The following TG variants were observed in gnomAD, a reference collection of about 807,000 sequenced individuals.
TG encodes thyroid hormones.
A neutral mutation model predicts 324.7 loss-of-function variants in TG; 270 were observed. The observed-to-expected ratio is 0.83, with a 90% CI of 0.75 to 0.92. The LOEUF (loss-of-function observed/expected upper bound fraction) is 0.92. TG is among the 40% of genes least tolerant of loss of function. The pLI is 0.00. For missense variants in TG, 3,591 were observed against 3,456.4 expected (o/e 1.04, Z -0.98); for synonymous variants, 1,401 against 1,327.0 (o/e 1.06, Z -1.21).
At chr8:133,127,163 A>G (rs1851585802) in intron 45 of TG, among the ~76,000 whole-genome samples, 1 of 152,154 alleles carries the variant, frequency 6.6e-6, no homozygotes, top group Non-Finnish European at 1.5e-5. Context: ...TCACCTCATC[A>G]TAAGGGGAAC....
intron 35 of TG, among the ~76,000 whole-genome samples, chr8:132,987,992 C>G (rs1831788274): frequency 6.6e-6 from 1 of 151,662 alleles, no homozygotes; most frequent in Admixed American, 6.6e-5. Flanking sequence ...CACACCATCC[C>G]CACTGACCAG....
At chr8:133,059,300 C>G in intron 41 of TG, 1 of 365,320 alleles carries the variant, frequency 2.7e-6, no homozygotes, top group Non-Finnish European at 5.4e-6. Context: ...CCCAAGACCC[C>G]ACAATATGAG....
chr8:132,935,785 CA>C lies in TG; in HGVS notation c.4963del (p.Thr1655ProfsTer10). 6.2e-7 allele frequency: 1 copy of C among 1,613,020 alleles called. No individual in the cohort carries two copies. The highest frequency in any genetic ancestry group is 8.5e-7 in the Non-Finnish European group (1 of 1,180,022). ...GAGATGCACTGGGGAACTCAAAGGCCACCAGCTTTGGAAGTCTTCGCTGCCA... is the reference window on the plus strand; with the variant it reads ...GAGATGCACTGGGGAACTCAAAGGCCCCAGCTTTGGAAGTCTTCGCTGCCA... ...KRDALGNSKA[T>X]SFGSLRCQVK... On this transcript the variant is annotated frameshift_variant, in exon 25 of 48. Coordinates refer to ENST00000220616, the MANE Select transcript of TG (RefSeq NM_003235.5). LOFTEE classifies it high-confidence loss of function.
At position 132,897,795 on chromosome 8, in the gene TG, G is replaced by C; in HGVS notation, c.3139+9G>C. The stretch of plus-strand genomic sequence containing the variant: ...GTGCCACGCTGGGACTGGTAAGGAG[G>C]GATAGGCACCTTCAGGTGGCCAAGT... On this transcript the variant is annotated intron_variant, in intron 12 of 47. Transcript: ENST00000220616. 6.2e-7 allele frequency: 1 copy of C among 1,614,062 alleles called. No homozygotes were observed. The highest frequency in any genetic ancestry group is 8.5e-7 in the Non-Finnish European group (1 of 1,180,020).
chr8:133,090,800 G>A (rs1186307153), intron 41 of TG, among the ~76,000 whole-genome samples: 1 of 152,180 alleles, frequency 6.6e-6, no homozygotes, highest in Non-Finnish European at 1.5e-5. Flanking sequence ...GCCATGGGCA[G>A]AGCTGGAATT....
Position 133,070,029 on chromosome 8 carries a change from A to AAAAAAAAAAC in TG, c.7240-25014_7240-25013insAAAAAAAACA, listed in dbSNP as rs376711807. 1.1e-4 allele frequency among the ~76,000 whole-genome samples: 12 copies of AAAAAAAAAAC among 109,798 alleles called. 1 individual carries two copies. Among genetic ancestry groups the AAAAAAAAAAC allele is most frequent in the East Asian group, 3.2e-4 (1 of 3,120 alleles). 72.0% of individuals were successfully genotyped at this position (109,798 alleles called of 152,430 possible). On this transcript the variant is annotated intron_variant, in intron 41 of 47. Coordinates refer to ENST00000220616, the MANE Select transcript of TG (RefSeq NM_003235.5). Reference sequence around the variant, plus strand: ...AAAAAAAAAAAAAAAAAAAAAAAGAAAGAAAGAAAGAAAAGAAAAGAAGAA... The same window carrying AAAAAAAAAAC: ...AAAAAAAAAAAAAAAAAAAAAAAGAAAAAAAAAAACAGAAAGAAAGAAAAGAAAAGAAGAA...
At chr8:132,957,439 A>C (rs1211730796) in intron 27 of TG, among the ~76,000 whole-genome samples, 1 of 152,164 alleles carries the variant, frequency 6.6e-6, no homozygotes, top group Non-Finnish European at 1.5e-5. Flanking sequence ...ATACAGTCCC[A>C]AACTGATGTG....
intron 41 of TG, among the ~76,000 whole-genome samples, chr8:133,057,551 T>C (rs1841672344): frequency 6.6e-6 from 1 of 152,104 alleles, no homozygotes; most frequent in African/African-American, 2.4e-5. Flanking sequence ...GCTGTCGCTG[T>C]GAGGAGGGAC....
chr8:132,913,168 G>A lies in TG; in HGVS notation c.4281G>A (p.Gly1427=), dbSNP rs1819775588. The A allele has an allele frequency of 6.2e-7, 1 of 1,614,046 alleles. No individual in the cohort carries two copies. Among genetic ancestry groups the A allele is most frequent in the South Asian group, 1.1e-5 (1 of 91,086 alleles). ...CGGAAACCATCCGCTTCCTCCAAGG[G>A]GACCACTTTGGCACCTCTCCCAGGA... is the stretch of plus-strand genomic sequence containing the variant. ...FPAETIRFLQ[G]DHFGTSPRTW... Residue 1427 remains glycine (G), a synonymous_variant, in exon 20 of 48, where the codon GGG becomes GGA. Transcript: ENST00000220616.
chr8:133,056,175 A>G (rs909134246), intron 41 of TG, among the ~76,000 whole-genome samples: 2 of 152,180 alleles, frequency 1.3e-5, no homozygotes, highest in African/African-American at 4.8e-5. Flanking sequence ...AAATTAATTT[A>G]CTTAAAAAAA....
intron 41 of TG, among the ~76,000 whole-genome samples, chr8:133,065,877 G>A (rs1217217197): frequency 6.6e-6 from 1 of 152,182 alleles, no homozygotes; most frequent in Non-Finnish European, 1.5e-5. Flanking sequence ...TGGAGGCCCT[G>A]AGGGATCTCT....
chr8:133,038,222 G>T (rs1308000758), intron 41 of TG: 12 of 393,774 alleles, frequency 3.0e-5, no homozygotes, highest in South Asian at 3.0e-4. Flanking sequence ...TTGTGAGAGT[G>T]GCTTTGTCCT....
chr8:133,047,750 G>A lies in TG; in HGVS notation c.7239+17727G>A, dbSNP rs530649043. 44 of 828,406 alleles carry A rather than the reference G, an allele frequency of 5.3e-5. No individual in the cohort carries two copies. The Admixed American group carries it at 7.2e-4, about 14-fold the overall frequency. 51.3% of individuals were successfully genotyped at this position (828,406 alleles called of 1,614,324 possible). A position where few individuals can be genotyped will look rare whatever the true frequency, so the allele number is the denominator to read the frequency against. ...GCATGGACGTAGGAGGAAGGAAAATGAAGCCGTGTAATGAGTCAGCCAGGA... is the reference window on the plus strand; with the variant it reads ...GCATGGACGTAGGAGGAAGGAAAATAAAGCCGTGTAATGAGTCAGCCAGGA... On this transcript the variant is annotated intron_variant, in intron 41 of 47. Coordinates refer to ENST00000220616, the MANE Select transcript of TG (RefSeq NM_003235.5).
In TG at chr8:132,898,342, C is replaced by T. The variant is rs530033400; in HGVS notation, c.3217+96C>T. ...TGCCTAACCGCTGGAGACTCCATGG[C>T]CCAGCCCTTCAGCCAGGTCCCGGGT... is the stretch of plus-strand genomic sequence containing the variant. On this transcript the variant is annotated intron_variant, in intron 13 of 47. Coordinates refer to ENST00000220616, the MANE Select transcript of TG (RefSeq NM_003235.5). 257 of 1,210,232 alleles carry T rather than the reference C, an allele frequency of 2.1e-4. No homozygotes were observed. The African/African-American group carries it at 3.4e-3, about 16-fold the overall frequency. The allele number at this position is 1,210,232 out of a possible 1,614,324, so 75.0% of individuals were successfully genotyped here. A position where few individuals can be genotyped will look rare whatever the true frequency, so the allele number is the denominator to read the frequency against.
At chr8:133,061,128 A>G (rs1842315335) in intron 41 of TG, among the ~76,000 whole-genome samples, 1 of 152,184 alleles carries the variant, frequency 6.6e-6, no homozygotes, top group Non-Finnish European at 1.5e-5. Context: ...CTCCTGCCTC[A>G]GCCTTCCAAG....
At chr8:132,917,720 A>G (rs1820543766) in intron 20 of TG, among the ~76,000 whole-genome samples, 2 of 151,958 alleles carry the variant, frequency 1.3e-5, no homozygotes, top group Admixed American at 1.3e-4. Context: ...ACGGTTCCTC[A>G]CAGATGTCTT....
intron 41 of TG, chr8:133,049,674 G>A: frequency 3.7e-6 from 2 of 534,282 alleles, no homozygotes; most frequent in East Asian, 3.3e-5. Context: ...AGAGCTGAAA[G>A]GTCCAACTTC....
intron 41 of TG, among the ~76,000 whole-genome samples, chr8:133,084,617 AAG>A (rs1395255757): frequency 4.6e-5 from 7 of 152,328 alleles, no homozygotes; most frequent in Middle Eastern, 3.4e-3. Flanking sequence ...CAGATGGAAA[AAG>A]GCATTTTGTC....
At chr8:133,104,029 C>T (rs766543705) in intron 43 of TG, among the ~76,000 whole-genome samples, 4 of 152,256 alleles carry the variant, frequency 2.6e-5, no homozygotes, top group Non-Finnish European at 4.4e-5. Context: ...GAAGGCTTTT[C>T]GGAGGAGGTG....
Sources: allele counts gnomAD v4.1 joint callset (sites outside exome capture counted in the v4.1 genomes callset), GRCh38; gene constraint gnomAD v4.1.1; transcripts MANE v1.5; gene names NCBI Gene and HGNC (gene_info 2026-07-23, HGNC 2026-07-21).